The following GDAP1L1 variants were observed in gnomAD, a reference collection of about 807,000 sequenced individuals.
GDAP1L1 encodes the protein ganglioside-induced differentiation-associated protein 1-like 1.
In GDAP1L1, 21 loss-of-function variants were observed where a neutral mutation model predicts 37.1. That is an observed-to-expected ratio of 0.57 (90% CI 0.40 to 0.81). The LOEUF is 0.81. Among genes scored for constraint, GDAP1L1 ranks in the 40% least tolerant of loss-of-function variants. GDAP1L1 has a pLI of 0.00. For synonymous variants in GDAP1L1, 193 were observed against 209.1 expected, an observed-to-expected ratio of 0.92 and a Z score of 0.67; for missense variants, 362 against 491.6, an observed-to-expected ratio of 0.74 and a Z score of 2.49.
rs2062614768 is a variant in GDAP1L1 at position 44,279,086 on chromosome 20, A to T, written c.890A>T (p.Asn297Ile). The change falls in exon 6 of 6, where the codon AAC becomes ATC. Residue 297 changes from asparagine (N) to isoleucine (I), a missense_variant. By Grantham distance (149) the Asn-to-Ile change is moderately radical. This residue lies in a region of GDAP1L1 where 85 missense variants were observed against 154.4 expected (regional missense o/e 0.55). Coordinates refer to ENST00000342560, the MANE Select transcript of GDAP1L1 (RefSeq NM_024034.6). ...TACTGGGAAGATGGCAGCCGGCCCA[A>T]CCTGCAGTCCTTCTTTGAGAGGGTC... is the stretch of plus-strand genomic sequence containing the variant. ...KKYWEDGSRP[N>I]LQSFFERVQR... The T allele has an allele frequency of 2.5e-6, 4 of 1,614,160 alleles. No individual in the cohort carries two copies. Among genetic ancestry groups the T allele is most frequent in the Non-Finnish European group, 3.4e-6 (4 of 1,180,012 alleles).
intron 1 of GDAP1L1, among the ~76,000 whole-genome samples, chr20:44,247,918 C>T (rs1438685637): frequency 6.6e-6 from 1 of 152,006 alleles, no homozygotes; most frequent in East Asian, 1.9e-4. Flanking sequence ...TGGGGTCCAG[C>T]CTCGGTAGCC....
At chr20:44,274,201 TC>T (rs2062549506) in intron 5 of GDAP1L1, among the ~76,000 whole-genome samples, 1 of 152,094 alleles carries the variant, frequency 6.6e-6, no homozygotes, top group Non-Finnish European at 1.5e-5. Context: ...GTGCACCAGA[TC>T]CCATCCACTC....
chr20:44,271,998 G>A (rs1011960101), intron 5 of GDAP1L1, among the ~76,000 whole-genome samples: 6 of 152,312 alleles, frequency 3.9e-5, no homozygotes, highest in South Asian at 4.1e-4. Flanking sequence ...ACTGCCAGCC[G>A]TGATGACTCG....
chr20:44,278,767 C>T (rs1437897992), intron 5 of GDAP1L1, among the ~76,000 whole-genome samples, 190 bp from the exon 6 acceptor site: 1 of 151,974 alleles, frequency 6.6e-6, no homozygotes, highest in Non-Finnish European at 1.5e-5. Flanking sequence ...GAAAAACAGT[C>T]GATTTAAACA....
chr20:44,247,110 G>A, upstream of GDAP1L1: 1 of 586,226 alleles, frequency 1.7e-6, no homozygotes, highest in South Asian at 2.0e-5. Flanking sequence ...CAGGGAGCCT[G>A]ACACTGAGGG....
chr20:44,261,491 A>G (rs1313348973), intron 3 of GDAP1L1, among the ~76,000 whole-genome samples: 3 of 152,124 alleles, frequency 2.0e-5, no homozygotes, highest in Admixed American at 2.0e-4. Flanking sequence ...CATTCATTCA[A>G]CACTCACTGA....
At position 44,279,032 on chromosome 20, in the gene GDAP1L1, G is replaced by A. The variant is rs755646369; in HGVS notation, c.836G>A (p.Arg279His). Residue 279 changes from arginine (R) to histidine (H), a missense_variant, in exon 6 of 6, where the codon CGC becomes CAC. Transcript: ENST00000342560. ...ADVLLGATLH[R>H]LKFLGLSKKY... is the part of the protein sequence containing the mutation. ...GTCCTCCTGGGAGCCACCCTGCACC[G>A]CCTCAAGTTCCTGGGACTGTCCAAG... 48 of 1,613,944 alleles carry A rather than the reference G, an allele frequency of 3.0e-5. No homozygotes were observed. The highest frequency in any genetic ancestry group is 4.5e-5 in the East Asian group (2 of 44,884).
intron 5 of GDAP1L1, among the ~76,000 whole-genome samples, 185 bp from the exon 6 acceptor site, chr20:44,278,772 T>G (rs2062610918): frequency 1.3e-5 from 2 of 152,118 alleles, no homozygotes; most frequent in Admixed American, 1.3e-4. Flanking sequence ...ACAGTCGATT[T>G]AAACAAAAAA....
intron 5 of GDAP1L1, among the ~76,000 whole-genome samples, chr20:44,274,190 A>G (rs904178539): frequency 6.6e-6 from 1 of 152,054 alleles, no homozygotes. Flanking sequence ...TCCCTTCCCT[A>G]GTGCACCAGA....
chr20:44,255,541 CAAAAAAAAAA>C (rs60318296), intron 1 of GDAP1L1, among the ~76,000 whole-genome samples: 6 of 45,814 alleles, frequency 1.3e-4, no homozygotes, highest in East Asian at 7.2e-4. Context: ...GACTCTGTCT[CAAAAAAAAAA>C]AAAAAAAAAA....
intron 3 of GDAP1L1, among the ~76,000 whole-genome samples, chr20:44,261,394 T>C (rs775385401): frequency 1.3e-5 from 2 of 152,198 alleles, no homozygotes; most frequent in Non-Finnish European, 2.9e-5. Context: ...CTGGGATTTG[T>C]GTCAGGACAG....
At chr20:44,269,939 A>C (rs2062495508) in intron 5 of GDAP1L1, among the ~76,000 whole-genome samples, 1 of 152,176 alleles carries the variant, frequency 6.6e-6, no homozygotes, top group Non-Finnish European at 1.5e-5. Flanking sequence ...TGTGACACCC[A>C]AGAGAGAATG....
chr20:44,253,169 G>T (rs543498180), intron 1 of GDAP1L1, among the ~76,000 whole-genome samples: 1 of 152,058 alleles, frequency 6.6e-6, no homozygotes, highest in Admixed American at 6.6e-5. Context: ...CGCACTCACC[G>T]TCTTTTGACA....
At chr20:44,257,479 C>T in intron 2 of GDAP1L1, 134 bp downstream of exon 2, 1 of 932,174 alleles carries the variant, frequency 1.1e-6, no homozygotes, top group Middle Eastern at 2.2e-4. Flanking sequence ...CCCAGTCTCC[C>T]CAAAAAGGAG....
intron 5 of GDAP1L1, among the ~76,000 whole-genome samples, chr20:44,275,175 G>A (rs2062560018): frequency 6.6e-6 from 1 of 152,138 alleles, no homozygotes; most frequent in Admixed American, 6.5e-5. Flanking sequence ...AGAGAGATGT[G>A]AGCCACTGCA....
intron 2 of GDAP1L1, among the ~76,000 whole-genome samples, chr20:44,257,800 C>G (rs575665555): frequency 1.3e-5 from 2 of 152,118 alleles, no homozygotes; most frequent in African/African-American, 4.8e-5. Flanking sequence ...CCCATAGGAA[C>G]CTGAAGACAT....
intron 1 of GDAP1L1, among the ~76,000 whole-genome samples, chr20:44,252,222 C>T (rs1232467131): frequency 6.6e-6 from 1 of 152,236 alleles, no homozygotes; most frequent in African/African-American, 2.4e-5. Context: ...AGATCCTGTG[C>T]ACAACCCGGC....
Position 44,279,087 on chromosome 20 carries a change from C to T in GDAP1L1, c.891C>T (p.Asn297=). ...KKYWEDGSRP[N]LQSFFERVQR... is the part of the protein sequence containing the mutation. ...ACTGGGAAGATGGCAGCCGGCCCAA[C>T]CTGCAGTCCTTCTTTGAGAGGGTCC... The change falls in exon 6 of 6, where the codon AAC becomes AAT. Residue 297 remains asparagine, a synonymous_variant. Coordinates refer to ENST00000342560, the MANE Select transcript of GDAP1L1 (RefSeq NM_024034.6). 2.5e-6 allele frequency: 4 copies of T among 1,614,178 alleles called. No homozygotes were observed. The highest frequency in any genetic ancestry group is 1.1e-5 in the South Asian group (1 of 91,086).
At chr20:44,262,711 T>C (rs974362267) in intron 3 of GDAP1L1, among the ~76,000 whole-genome samples, 1 of 151,938 alleles carries the variant, frequency 6.6e-6, no homozygotes, top group Non-Finnish European at 1.5e-5. Context: ...ATGTGTATTA[T>C]TTATTTATTT....
Sources: gnomAD v4.1 joint callset for allele counts (sites outside exome capture counted in the v4.1 genomes callset) on GRCh38, gnomAD v4.1.1 for gene constraint, gnomAD v4.1.1 regional missense constraint, MANE v1.5 for transcripts, NCBI Gene and HGNC (gene_info 2026-07-23, HGNC 2026-07-21) for gene names.